The following SLC30A4 variants were observed in gnomAD, a reference collection of about 807,000 sequenced individuals.
The protein encoded by SLC30A4 is solute carrier family 30 member 4.
In SLC30A4, 20 loss-of-function variants were observed where a neutral mutation model predicts 41.7. The observed-to-expected ratio is 0.48, with a 90% confidence interval of 0.34 to 0.70. SLC30A4 has a LOEUF of 0.70. Among genes scored for constraint, SLC30A4 ranks in the 30% least tolerant of loss-of-function variants. SLC30A4 has a pLI of 0.01. For missense variants in SLC30A4, 441 were observed against 529.3 expected (o/e 0.83, Z 1.64); for synonymous variants, 181 against 195.9 (o/e 0.92, Z 0.64).
rs201161855 is a variant in SLC30A4 at position 45,490,847 on chromosome 15, C to T, written c.573G>A (p.Val191=). 9 of 1,600,482 alleles carry T rather than the reference C, an allele frequency of 5.6e-6. No individual in the cohort carries two copies. Among genetic ancestry groups the T allele is most frequent in the Admixed American group, 1.7e-5 (1 of 57,476 alleles). The change falls in exon 4 of 8, where the codon GTG becomes GTA. Residue 191 remains valine, a synonymous_variant. Transcript: ENST00000261867. ...ATAAGAGGAATCCCATAAGTATATA[C>T]ACCAACAGCACACTAATCATAGCTG... The part of the protein sequence containing the change: ...VLSAMISVLL[V]YILMGFLLYE...
At position 45,522,606 on chromosome 15, in the gene SLC30A4, C is replaced by T. The variant is rs1892712155; in HGVS notation, c.-115+1G>A. ...GAGGGGGCGGCACATCTATTTAATA[C>T]CTGGGGCGCTGCCGCGGGGCCGCAA... On this transcript the variant is annotated splice_donor_variant, in intron 1 of 7. Coordinates refer to ENST00000261867, the MANE Select transcript of SLC30A4 (RefSeq NM_013309.6). LOFTEE classifies it low-confidence loss of function (5UTR_SPLICE). The T allele has an allele frequency of 2.7e-6, 1 of 370,906 alleles. No homozygotes were observed. The highest frequency in any genetic ancestry group is 4.5e-5 in the Admixed American group (1 of 22,120). 23.0% of individuals were successfully genotyped at this position (370,906 alleles called of 1,614,324 possible).
chr15:45,490,623 C>G lies in SLC30A4; in HGVS notation c.692+105G>C, dbSNP rs1891793253. 8.5e-6 allele frequency: 6 copies of G among 703,414 alleles called. No individual in the cohort carries two copies. In the South Asian group the frequency reaches 1.8e-4, roughly 21 times the overall value. The allele number at this position is 703,414 out of a possible 1,614,324, so 43.6% of individuals were successfully genotyped here. A position where few individuals can be genotyped will look rare whatever the true frequency, so the allele number is the denominator to read the frequency against. ...TATCAGAAAAGTTAATGAGTTATAT[C>G]ATTTTTAAAATATCAAAATATCACT... On this transcript the variant is annotated intron_variant, in intron 4 of 7. Transcript: ENST00000261867.
At chr15:45,517,542 G>A (rs1595533159) in intron 2 of SLC30A4, among the ~76,000 whole-genome samples, 1 of 151,302 alleles carries the variant, frequency 6.6e-6, no homozygotes, top group Non-Finnish European at 1.5e-5. Flanking sequence ...CAGTAGAGAC[G>A]GGGTTTCGCC....
rs1892691874 is a variant in SLC30A4 at position 45,522,198 on chromosome 15, C to G, written c.157G>C (p.Asp53His). 6.2e-7 allele frequency: 1 copy of G among 1,614,134 alleles called. No individual in the cohort carries two copies. The highest frequency in any genetic ancestry group is 1.3e-5 in the African/African-American group (1 of 74,944). Residue 53 changes from aspartate to histidine, a missense_variant, in exon 2 of 8, where the codon GAC (aspartate) becomes CAC (histidine). Asp to His is a moderately conservative substitution (Grantham distance 81, BLOSUM62 -1). This residue lies in a region of SLC30A4 where 312 missense variants were observed against 341.9 expected (regional missense o/e 0.91). Transcript: ENST00000261867. ...FNKLRVVVAD[D>H]GSEAPERPVN... ...GGCCTTTCCGGGGCTTCGGAACCGTCATCGGCCACCACAACTCGAAGTTTG... is the reference window on the plus strand; with the variant it reads ...GGCCTTTCCGGGGCTTCGGAACCGTGATCGGCCACCACAACTCGAAGTTTG...
rs763105081 is a variant in SLC30A4 at position 45,486,645 on chromosome 15, T to C, written c.1101A>G (p.Ser367=). ...TGTGAACTATGGCAGTAGATTTTCCTGAAGTGAGAGACCAGATATTTAAAT... is the reference window on the plus strand; with the variant it reads ...TGTGAACTATGGCAGTAGATTTTCCCGAAGTGAGAGACCAGATATTTAAAT... ...VEDLNIWSLT[S]GKSTAIVHIQ... Residue 367 remains serine (S), a synonymous_variant, in exon 7 of 8, where the codon TCA becomes TCG. Transcript: ENST00000261867. 9.3e-6 allele frequency: 15 copies of C among 1,605,508 alleles called. No individual in the cohort carries two copies. Among genetic ancestry groups the C allele is most frequent in the Non-Finnish European group, 1.3e-5 (15 of 1,177,182 alleles).
chr15:45,495,377 T>C (rs1161565379), intron 3 of SLC30A4, among the ~76,000 whole-genome samples: 3 of 152,222 alleles, frequency 2.0e-5, no homozygotes, highest in Non-Finnish European at 4.4e-5. Flanking sequence ...CGTTTCACTC[T>C]CAAAACTGTT....
rs773319149 is a variant in SLC30A4, at chr15:45,522,064, G to C, written c.291C>G (p.Asn97Lys). 6.8e-6 allele frequency: 11 copies of C among 1,614,070 alleles called. No individual in the cohort carries two copies. The East Asian group carries it at 2.5e-4, about 36-fold the overall frequency. ...QLSLKVDSCD[N>K]CSKQREILKQ... Reference sequence around the variant, plus strand: ...TCAGTATCTCTCTCTGTTTGCTGCAGTTGTCACAGGAGTCCACCTTCAAAC... The same window carrying C: ...TCAGTATCTCTCTCTGTTTGCTGCACTTGTCACAGGAGTCCACCTTCAAAC... Residue 97 changes from asparagine (N) to lysine (K), a missense_variant, in exon 2 of 8, where the codon AAC becomes AAG. By Grantham distance (94) the Asn-to-Lys change is moderately conservative. This residue lies in a region of SLC30A4 where 312 missense variants were observed against 341.9 expected (regional missense o/e 0.91). Coordinates refer to ENST00000261867, the MANE Select transcript of SLC30A4 (RefSeq NM_013309.6).
At chr15:45,514,511 T>TG in intron 2 of SLC30A4, among the ~76,000 whole-genome samples, 4 of 105,536 alleles carry the variant, frequency 3.8e-5, no homozygotes, top group African/African-American at 2.3e-4. Flanking sequence ...GATATTCCAA[T>TG]TTTTTTTTTT....
intron 3 of SLC30A4, among the ~76,000 whole-genome samples, chr15:45,491,302 C>G (rs1418946940): frequency 1.3e-5 from 2 of 152,240 alleles, no homozygotes; most frequent in Non-Finnish European, 2.9e-5. Context: ...CCCTCCACTC[C>G]TCTCTCTCCA....
At chr15:45,519,739 T>G (rs771121420) in intron 2 of SLC30A4, 3 of 152,232 alleles carry the variant, frequency 2.0e-5, no homozygotes, top group Non-Finnish European at 4.4e-5. Flanking sequence ...TCAAGACAAT[T>G]ATATCTTAAT....
At chr15:45,511,837 T>C (rs1892303214) in intron 2 of SLC30A4, among the ~76,000 whole-genome samples, 1 of 152,186 alleles carries the variant, frequency 6.6e-6, no homozygotes, top group African/African-American at 2.4e-5. Context: ...CTTTAGAAAG[T>C]TAAGAACCAC....
At chr15:45,492,783 C>T (rs780305683) in intron 3 of SLC30A4, among the ~76,000 whole-genome samples, 4 of 151,942 alleles carry the variant, frequency 2.6e-5, no homozygotes, top group Non-Finnish European at 5.9e-5. Context: ...CCTGTAAATG[C>T]AATCTCCAGA....
At chr15:45,494,741 G>A (rs938466116) in intron 3 of SLC30A4, among the ~76,000 whole-genome samples, 4 of 152,014 alleles carry the variant, frequency 2.6e-5, no homozygotes, top group Non-Finnish European at 4.4e-5. Flanking sequence ...TTAAAAATTC[G>A]AAACTGTAGA....
At chr15:45,485,527 G>C (rs1891682900) in intron 7 of SLC30A4, among the ~76,000 whole-genome samples, 1 of 152,072 alleles carries the variant, frequency 6.6e-6, no homozygotes. Context: ...CTCTCAGGTA[G>C]AGAAAAAATA....
chr15:45,522,052 C>G lies in SLC30A4; in HGVS notation c.303G>C (p.Gln101His). The G allele has an allele frequency of 1.2e-6, 2 of 1,614,232 alleles. No individual in the cohort carries two copies. The highest frequency in any genetic ancestry group is 1.7e-6 in the Non-Finnish European group (2 of 1,180,040). ...KVDSCDNCSK[Q>H]REILKQRKVK... ...CCTTTCTCTGCTTCAGTATCTCTCT[C>G]TGTTTGCTGCAGTTGTCACAGGAGT... Residue 101 changes from glutamine (Q) to histidine (H), a missense_variant, in exon 2 of 8, where the codon CAG (glutamine) becomes CAC (histidine). Physicochemically the swap from Gln to His is conservative, Grantham distance 24. Transcript: ENST00000261867.
chr15:45,498,666 C>T (rs1190313278), intron 3 of SLC30A4, among the ~76,000 whole-genome samples: 1 of 152,158 alleles, frequency 6.6e-6, no homozygotes, highest in Non-Finnish European at 1.5e-5. Flanking sequence ...GACTACCTCA[C>T]TCATGTCTTC....
chr15:45,516,524 C>T (rs1363486656), intron 2 of SLC30A4, among the ~76,000 whole-genome samples: 2 of 152,018 alleles, frequency 1.3e-5, no homozygotes, highest in Non-Finnish European at 2.9e-5. Flanking sequence ...CTTTTCCTCT[C>T]CAGTTTTCCT....
Position 45,489,024 on chromosome 15 carries a change from G to A in SLC30A4, c.711C>T (p.Asn237=). The change falls in exon 5 of 8, where the codon AAC becomes AAT. Residue 237 remains asparagine (N), a synonymous_variant. Coordinates refer to ENST00000261867, the MANE Select transcript of SLC30A4 (RefSeq NM_013309.6). ...AATGGGAGTGACGGTGACCAGACTG[G>A]TTCAACAGAAACCCCATTCTGTTAA... ...AVNVIMGFLL[N]QSGHRHSHSH... 1 of 1,611,054 alleles carries A rather than the reference G, an allele frequency of 6.2e-7. No individual in the cohort carries two copies. Among genetic ancestry groups the A allele is most frequent in the South Asian group, 1.1e-5 (1 of 90,478 alleles).
At chr15:45,503,303 A>T (rs1345224852) in intron 3 of SLC30A4, among the ~76,000 whole-genome samples, 2 of 152,184 alleles carry the variant, frequency 1.3e-5, no homozygotes, top group African/African-American at 4.8e-5. Context: ...TATTTTATTC[A>T]ATAAAAGCTA....
Sources: allele counts gnomAD v4.1 joint callset (sites outside exome capture counted in the v4.1 genomes callset), GRCh38; gene constraint gnomAD v4.1.1; regional missense constraint gnomAD v4.1.1; transcripts MANE v1.5; gene names NCBI Gene and HGNC (gene_info 2026-07-23, HGNC 2026-07-21).